PTPRT: variants seen among roughly 807,000 people sequenced by gnomAD.
PTPRT encodes the protein protein tyrosine phosphatase receptor type T, also known as receptor-type tyrosine-protein phosphatase T.
Under a neutral mutation model 176.8 loss-of-function variants are expected in PTPRT, and 56 were observed. The ratio of observed to expected loss-of-function variants is 0.32; its 90% CI spans 0.26 to 0.40. The LOEUF (loss-of-function observed/expected upper bound fraction) is 0.40, where lower values mean the gene tolerates loss of function less well. Ranked by LOEUF, PTPRT falls within the 10% of genes least tolerant of loss-of-function variation. PTPRT has a pLI of 1.00. For synonymous variants in PTPRT, 783 were observed against 739.0 expected, an observed-to-expected ratio of 1.06 and a Z score of -0.96; for missense variants, 1,540 against 1,908.2, an observed-to-expected ratio of 0.81 and a Z score of 3.60.
At chr20:42,588,042 C>CTA (rs2073502605) in intron 7 of PTPRT, among the ~76,000 whole-genome samples, 3 of 152,134 alleles carry the variant, frequency 2.0e-5, no homozygotes, top group African/African-American at 7.2e-5. Context: ...CCCCAGTAGG[C>CTA]ATCTTGTCAG....
At chr20:42,153,606 T>C (rs1274362104) in intron 17 of PTPRT, among the ~76,000 whole-genome samples, 3 of 152,196 alleles carry the variant, frequency 2.0e-5, no homozygotes, top group Non-Finnish European at 4.4e-5. Flanking sequence ...TCTCTTCCCT[T>C]TTCCCTTAAT....
chr20:42,388,461 C>G (rs138722358), intron 9 of PTPRT, among the ~76,000 whole-genome samples: 7,183 of 152,226 alleles, frequency 0.047, 240 homozygotes, highest in Non-Finnish European at 0.07. Context: ...AAAAAGTGAG[C>G]AAGGGATATG....
chr20:42,616,112 G>A (rs1265138306), intron 7 of PTPRT, among the ~76,000 whole-genome samples: 1 of 128,574 alleles, frequency 7.8e-6, no homozygotes, highest in Non-Finnish European at 1.6e-5. Flanking sequence ...ATTGATTTTT[G>A]TATAAGGCAT....
At chr20:42,997,776 G>A (rs989647840) in intron 1 of PTPRT, among the ~76,000 whole-genome samples, 13 of 152,072 alleles carry the variant, frequency 8.5e-5, no homozygotes, top group East Asian at 1.9e-4. Flanking sequence ...TGTTGGTATC[G>A]TTCAGTAACT....
At chr20:42,553,503 T>C (rs2072804902) in intron 7 of PTPRT, among the ~76,000 whole-genome samples, 1 of 152,056 alleles carries the variant, frequency 6.6e-6, no homozygotes, top group East Asian at 1.9e-4. Flanking sequence ...TTTCTTTTTC[T>C]CTGTCACTGA....
chr20:42,697,728 T>A (rs974239220), intron 6 of PTPRT, among the ~76,000 whole-genome samples: 2 of 152,246 alleles, frequency 1.3e-5, no homozygotes, highest in Non-Finnish European at 2.9e-5. Flanking sequence ...TTTGTGGGCA[T>A]GTACACAATA....
chr20:42,215,674 G>A (rs1006034328), intron 15 of PTPRT, among the ~76,000 whole-genome samples: 11 of 75,184 alleles, frequency 1.5e-4, no homozygotes, highest in Non-Finnish European at 3.9e-4. Context: ...CTATTCATGC[G>A]TTGACCTTCA....
At chr20:42,220,388 C>T (rs1366062414) in intron 15 of PTPRT, among the ~76,000 whole-genome samples, 10 of 152,028 alleles carry the variant, frequency 6.6e-5, no homozygotes, top group Admixed American at 6.6e-4. Context: ...TATCAACAAG[C>T]TAAAATGCCA....
At chr20:42,839,820 C>T (rs1283024501) in intron 2 of PTPRT, among the ~76,000 whole-genome samples, 2 of 151,994 alleles carry the variant, frequency 1.3e-5, no homozygotes, top group African/African-American at 4.8e-5. Flanking sequence ...TTTTAAATCA[C>T]CTGAAGAGCT....
chr20:42,962,451 CA>C (rs138209887), intron 1 of PTPRT, among the ~76,000 whole-genome samples: 281 of 144,482 alleles, frequency 1.9e-3, no homozygotes, highest in Non-Finnish European at 3.2e-3. Context: ...ACCTAAATTA[CA>C]AAAAAAAAAC....
At chr20:42,493,194 A>G (rs556022894) in intron 7 of PTPRT, among the ~76,000 whole-genome samples, 1 of 152,306 alleles carries the variant, frequency 6.6e-6, no homozygotes, top group Admixed American at 6.5e-5. Context: ...TGTTTTACAG[A>G]TGAGGAATCC....
At chr20:42,827,651 C>A (rs1371268882) in intron 2 of PTPRT, among the ~76,000 whole-genome samples, 2 of 152,142 alleles carry the variant, frequency 1.3e-5, no homozygotes, top group Non-Finnish European at 2.9e-5. Flanking sequence ...CTCATAATCC[C>A]CACATGTCAT....
At chr20:42,269,757 A>G (rs1222638128) in intron 13 of PTPRT, among the ~76,000 whole-genome samples, 3 of 152,194 alleles carry the variant, frequency 2.0e-5, no homozygotes, top group South Asian at 4.1e-4. Context: ...CTACAACGTA[A>G]ATGGTGCCCC....
intron 2 of PTPRT, among the ~76,000 whole-genome samples, chr20:42,866,963 C>G (rs1401603510): frequency 6.6e-6 from 1 of 152,208 alleles, no homozygotes; most frequent in East Asian, 1.9e-4. Flanking sequence ...AGCACAGTGC[C>G]ATGAAAACAG....
intron 15 of PTPRT, among the ~76,000 whole-genome samples, chr20:42,233,060 C>T (rs1054423719): frequency 6.6e-6 from 1 of 152,114 alleles, no homozygotes; most frequent in South Asian, 2.1e-4. Context: ...TCTGCTTTGC[C>T]AGTTCCTCTC....
chr20:42,156,393 G>A (rs916097320), intron 17 of PTPRT, among the ~76,000 whole-genome samples: 2 of 152,182 alleles, frequency 1.3e-5, no homozygotes, highest in African/African-American at 2.4e-5. Flanking sequence ...TGAAAGGCCT[G>A]GTCCTAGGTC....
chr20:42,667,321 A>C (rs748431601), intron 7 of PTPRT, among the ~76,000 whole-genome samples: 2 of 152,152 alleles, frequency 1.3e-5, no homozygotes, highest in Non-Finnish European at 2.9e-5. Flanking sequence ...GAGTGGAGGA[A>C]TTATACCTCC....
At chr20:42,575,027 T>C (rs2073231154) in intron 7 of PTPRT, among the ~76,000 whole-genome samples, 1 of 152,152 alleles carries the variant, frequency 6.6e-6, no homozygotes, top group Admixed American at 6.5e-5. Context: ...CTCTTTTCTT[T>C]ATAAATTACC....
chr20:42,117,654 G>A (rs935642896), intron 21 of PTPRT, among the ~76,000 whole-genome samples: 3 of 152,164 alleles, frequency 2.0e-5, no homozygotes, highest in African/African-American at 7.2e-5. Flanking sequence ...CGACATGAAG[G>A]GTGCGAGTGA....
Sources: allele counts gnomAD v4.1 joint callset (sites outside exome capture counted in the v4.1 genomes callset), GRCh38; gene constraint gnomAD v4.1.1; transcripts MANE v1.5; gene names NCBI Gene and HGNC (gene_info 2026-07-23, HGNC 2026-07-21).